The following SCNN1B variants were observed in gnomAD, a reference collection of about 807,000 sequenced individuals.
SCNN1B encodes the protein sodium channel epithelial 1 subunit beta.
Under a neutral mutation model 65.3 loss-of-function variants are expected in SCNN1B, and 46 were observed. The observed-to-expected ratio is 0.70, with a 90% CI of 0.56 to 0.90. The LOEUF (loss-of-function observed/expected upper bound fraction) is 0.90, where lower values mean the gene tolerates loss of function less well. Among genes scored for constraint, SCNN1B ranks in the 40% least tolerant of loss-of-function variants. The pLI, the probability that SCNN1B is intolerant of heterozygous loss-of-function variation, is 0.00. For missense variants in SCNN1B, 751 were observed against 830.5 expected, an observed-to-expected ratio of 0.90 and a Z score of 1.18; for synonymous variants, 349 against 330.6, an observed-to-expected ratio of 1.06 and a Z score of -0.60.
intron 4 of SCNN1B, among the ~76,000 whole-genome samples, chr16:23,364,319 T>C (rs945764418): frequency 1.3e-5 from 2 of 152,138 alleles, no homozygotes; most frequent in South Asian, 2.1e-4. Context: ...TCAGAGCAGA[T>C]AAAAGCTGAA....
chr16:23,357,352 G>A (rs1393340395), intron 4 of SCNN1B, among the ~76,000 whole-genome samples: 1 of 152,238 alleles, frequency 6.6e-6, no homozygotes, highest in African/African-American at 2.4e-5. Context: ...GGAGGCCAAG[G>A]CGGGTGGATC....
chr16:23,325,348 C>A (rs191129155), intron 1 of SCNN1B, among the ~76,000 whole-genome samples: 12 of 152,074 alleles, frequency 7.9e-5, no homozygotes, highest in African/African-American at 2.7e-4. Context: ...CTCATTGCAA[C>A]CTCCGCCTCC....
At chr16:23,320,742 G>T (rs774594488) in intron 1 of SCNN1B, among the ~76,000 whole-genome samples, 1 of 152,228 alleles carries the variant, frequency 6.6e-6, no homozygotes, top group African/African-American at 2.4e-5. Flanking sequence ...TTGAGCCCCA[G>T]GTATGAAGTC....
intron 4 of SCNN1B, among the ~76,000 whole-genome samples, chr16:23,362,318 C>T (rs2142030225): frequency 6.8e-6 from 1 of 147,594 alleles, no homozygotes; most frequent in Middle Eastern, 3.6e-3. Flanking sequence ...GCACTCCAGC[C>T]TGAGCAATCT....
chr16:23,348,624 A>T lies in SCNN1B; in HGVS notation c.25A>T (p.Lys9Ter). The T allele has an allele frequency of 6.2e-7, 1 of 1,613,234 alleles. No homozygotes were observed. Among genetic ancestry groups the T allele is most frequent in the Non-Finnish European group, 8.5e-7 (1 of 1,179,954 alleles). MHVKKYLLKGLHRLQKGPG... is the reference protein window; with the variant it reads MHVKKYLL Reference sequence around the variant, plus strand: ...TATGCACGTGAAGAAGTACCTGCTGAAGGGCCTGCATCGGCTGCAGAAGGG... The same window carrying T: ...TATGCACGTGAAGAAGTACCTGCTGTAGGGCCTGCATCGGCTGCAGAAGGG... Residue 9 changes from lysine (K) to a stop codon, truncating the protein, a stop_gained, in exon 2 of 13, where the codon AAG (lysine) becomes TAG (stop). Coordinates refer to ENST00000343070, the MANE Select transcript of SCNN1B (RefSeq NM_000336.3). LOFTEE classifies it high-confidence loss of function. The surrounding 1 kb of genome is among the most constrained non-coding windows in gnomAD (Gnocchi z 4.5).
At chr16:23,366,928 CAG>C (rs1962681190) in intron 4 of SCNN1B, among the ~76,000 whole-genome samples, 1 of 152,192 alleles carries the variant, frequency 6.6e-6, no homozygotes, top group South Asian at 2.1e-4. Flanking sequence ...TTCGACTGAA[CAG>C]AGTTTGATGA....
At chr16:23,377,583 C>T (rs528436172) in intron 10 of SCNN1B, among the ~76,000 whole-genome samples, 197 bp downstream of exon 10, 13 of 135,562 alleles carry the variant, frequency 9.6e-5, no homozygotes, top group African/African-American at 3.8e-4. Flanking sequence ...TCCCTTCCTC[C>T]CTCCCTTCTC....
intron 4 of SCNN1B, among the ~76,000 whole-genome samples, chr16:23,360,447 G>A (rs1033307510): frequency 2.6e-5 from 4 of 152,014 alleles, no homozygotes; most frequent in African/African-American, 9.7e-5. Flanking sequence ...TACTCTGGAG[G>A]CTGAGGGGGA....
At chr16:23,371,944 C>A in intron 7 of SCNN1B, 61 bp downstream of exon 7, 1 of 1,193,482 alleles carries the variant, frequency 8.4e-7, no homozygotes, top group Non-Finnish European at 1.3e-6. Flanking sequence ...GGGGCCAAGG[C>A]CTCAGTACTC....
At chr16:23,368,059 G>GA in intron 5 of SCNN1B, 100 bp downstream of exon 5, 1 of 957,456 alleles carries the variant, frequency 1.0e-6, no homozygotes. Flanking sequence ...GGGACTGAGG[G>GA]GGGACCAAGG....
intron 8 of SCNN1B, 142 bp downstream of exon 8, chr16:23,375,997 C>T (rs1480513936): frequency 4.7e-6 from 3 of 638,358 alleles, no homozygotes; most frequent in Non-Finnish European, 8.5e-6. Flanking sequence ...TGAGGTCCCT[C>T]CTATGATCCC....
In SCNN1B at chr16:23,380,017, T is replaced by G; in HGVS notation, c.1467-77T>G. On this transcript the variant is annotated intron_variant, in intron 11 of 12. Transcript: ENST00000343070. The surrounding 1 kb of genome is among the most constrained non-coding windows in gnomAD (Gnocchi z 5.4). ...GTGCACGTGCATGTGTGTGCATGTG[T>G]CTATGTGCGTGTGTGTGTGTCTGTC... The G allele has an allele frequency of 1.9e-6, 2 of 1,067,812 alleles. No homozygotes were observed. Among genetic ancestry groups the G allele is most frequent in the Non-Finnish European group, 2.9e-6 (2 of 681,734 alleles). 66.1% of individuals were successfully genotyped at this position (1,067,812 alleles called of 1,614,324 possible).
At chr16:23,287,333 GAT>G (rs1876785829) in intron 2 of SCNN1B, among the ~76,000 whole-genome samples, 1 of 151,958 alleles carries the variant, frequency 6.6e-6, no homozygotes, top group South Asian at 2.1e-4. Context: ...AAAAGAGAGA[GAT>G]ATGATAAAAT....
Position 23,352,817 on chromosome 16 carries a change from C to A in SCNN1B, c.328C>A (p.His110Asn). 6.2e-7 allele frequency: 1 copy of A among 1,614,142 alleles called. No homozygotes were observed. Among genetic ancestry groups the A allele is most frequent in the East Asian group, 2.2e-5 (1 of 44,882 alleles). Residue 110 changes from histidine (H) to asparagine (N), a missense_variant, in exon 3 of 13, where the codon CAT becomes AAT. Transcript: ENST00000343070. ...CCCATCCAGGTATTCCAAAATCAAG[C>A]ATTTGCTGAAGGACCTGGATGAGCT... ...ASPFKYSKIK[H>N]LLKDLDELME...
intron 1 of SCNN1B, among the ~76,000 whole-genome samples, chr16:23,331,540 G>A (rs546563184): frequency 6.2e-4 from 94 of 151,802 alleles, no homozygotes; most frequent in Non-Finnish European, 1.2e-3. Context: ...GGCTGGTCTC[G>A]AACTCTTGAC....
In SCNN1B at chr16:23,367,956, T is replaced by C; in HGVS notation, c.877T>C (p.Phe293Leu). ...TCCTTCGGCCAACCCTGGAACTGAA[T>C]TCGGTGAGTTTTGGTTTATCGTGGG... ...ALPSANPGTE[F>L]GLKLILDIGQ... Residue 293 changes from phenylalanine to leucine, a missense_variant, in exon 5 of 13, where the codon TTC (phenylalanine) becomes CTC (leucine). Physicochemically the swap from Phe to Leu is conservative, Grantham distance 22 (BLOSUM62 0). Transcript: ENST00000343070. 1.2e-6 allele frequency: 2 copies of C among 1,612,214 alleles called. No homozygotes were observed. The highest frequency in any genetic ancestry group is 1.7e-6 in the Non-Finnish European group (2 of 1,178,238).
intron 4 of SCNN1B, among the ~76,000 whole-genome samples, chr16:23,365,442 AAAG>A (rs896572779): frequency 2.7e-5 from 4 of 148,270 alleles, no homozygotes; most frequent in African/African-American, 1.0e-4. Flanking sequence ...AGGAAGAAAG[AAAG>A]AAAGAGAAGG....
chr16:23,332,954 C>T (rs920991683), intron 1 of SCNN1B, among the ~76,000 whole-genome samples: 1 of 152,124 alleles, frequency 6.6e-6, no homozygotes, highest in South Asian at 2.1e-4. Context: ...CCTGTAATCC[C>T]AGCTTACTCG....
At position 23,285,914 on chromosome 16, in the gene SCNN1B, C is replaced by T. The variant is rs534768028; in HGVS notation, n.178+2110C>T. 1.5e-3 allele frequency among the ~76,000 whole-genome samples: 222 copies of T among 152,226 alleles called. 1 individual carries two copies. The highest frequency in any genetic ancestry group is 5.1e-3 in the African/African-American group (214 of 41,554). On this transcript the variant is annotated intron_variant and non_coding_transcript_variant, in intron 2 of 3. Transcript: ENST00000569789. Reference sequence around the variant, plus strand: ...GCTTGAACCCAGGAGGCAGAAGTTGCAGTGAGCCAAGATCGAGCCACTGCA... The same window carrying T: ...GCTTGAACCCAGGAGGCAGAAGTTGTAGTGAGCCAAGATCGAGCCACTGCA...
Sources: allele counts gnomAD v4.1 joint callset (sites outside exome capture counted in the v4.1 genomes callset), GRCh38; gene constraint gnomAD v4.1.1; non-coding constraint Gnocchi (gnomAD v3.1); transcripts MANE v1.5; gene names NCBI Gene and HGNC (gene_info 2026-07-23, HGNC 2026-07-21).